Variants in SH3GL2 observed in about 807,000 individuals in gnomAD.
The protein encoded by SH3GL2 is SH3 domain containing GRB2 like 2, endophilin A1, also known as endophilin-A1.
A neutral mutation model predicts 46.0 loss-of-function variants in SH3GL2; 24 were observed. The observed-to-expected ratio is 0.52, with a 90% CI of 0.38 to 0.73. The LOEUF (loss-of-function observed/expected upper bound fraction) is 0.73. SH3GL2 is among the 30% of genes least tolerant of loss of function. The pLI, the probability that SH3GL2 is intolerant of heterozygous loss-of-function variation, is 0.00. For synonymous variants in SH3GL2, 196 were observed against 147.1 expected, an observed-to-expected ratio of 1.33 and a Z score of -2.40; for missense variants, 413 against 424.2, an observed-to-expected ratio of 0.97 and a Z score of 0.23.
At chr9:17,718,535 C>T (rs1821816294) in intron 1 of SH3GL2, among the ~76,000 whole-genome samples, 1 of 152,080 alleles carries the variant, frequency 6.6e-6, no homozygotes, top group African/African-American at 2.4e-5. Context: ...TCAGCCTGGG[C>T]AACATGGTGA....
At chr9:17,763,938 T>C (rs1355036767) in intron 3 of SH3GL2, among the ~76,000 whole-genome samples, 1 of 151,308 alleles carries the variant, frequency 6.6e-6, no homozygotes, top group Admixed American at 6.6e-5. Context: ...CCAGAGAAAT[T>C]CAGAAAGGAA....
intron 1 of SH3GL2, among the ~76,000 whole-genome samples, chr9:17,650,873 G>C (rs1819938702): frequency 6.6e-6 from 1 of 152,074 alleles, no homozygotes; most frequent in South Asian, 2.1e-4. Context: ...CATGTTTTCT[G>C]CCCATCACTG....
chr9:17,776,404 G>A (rs1240419876), intron 3 of SH3GL2, among the ~76,000 whole-genome samples: 1 of 152,086 alleles, frequency 6.6e-6, no homozygotes, highest in Admixed American at 6.6e-5. Context: ...AGCCCTCAGA[G>A]GCTTGGTCCC....
At chr9:17,778,259 A>G (rs1430374990) in intron 3 of SH3GL2, among the ~76,000 whole-genome samples, 1 of 152,050 alleles carries the variant, frequency 6.6e-6, no homozygotes. Flanking sequence ...TTCCACGTTT[A>G]CTCTAAGGCA....
intron 1 of SH3GL2, among the ~76,000 whole-genome samples, chr9:17,679,444 TATAA>T (rs2118029627): frequency 6.6e-6 from 1 of 152,336 alleles, no homozygotes; most frequent in Admixed American, 6.5e-5. Context: ...GTTTTTGCTG[TATAA>T]GAATGCTTGT....
chr9:17,690,144 G>A (rs1821036093), intron 1 of SH3GL2, among the ~76,000 whole-genome samples: 1 of 152,126 alleles, frequency 6.6e-6, no homozygotes, highest in South Asian at 2.1e-4. Flanking sequence ...CAAAACTGCA[G>A]CAGTTGTATA....
intron 1 of SH3GL2, among the ~76,000 whole-genome samples, chr9:17,702,769 C>T (rs567870620): frequency 2.0e-5 from 3 of 151,874 alleles, no homozygotes; most frequent in African/African-American, 7.2e-5. Flanking sequence ...TAATGTCCAC[C>T]GAAATATCTA....
At chr9:17,717,814 A>G (rs1821799109) in intron 1 of SH3GL2, among the ~76,000 whole-genome samples, 1 of 150,074 alleles carries the variant, frequency 6.7e-6, no homozygotes, top group Non-Finnish European at 1.5e-5. Context: ...GATATTATTT[A>G]GTAGTAGTCA....
rs549207965 is a variant in SH3GL2, at chr9:17,782,615, C to G, written c.188-3766C>G. Among the ~76,000 whole-genome samples, 6 of 152,234 alleles carry G rather than the reference C, an allele frequency of 3.9e-5. 1 individual carries two copies. Among genetic ancestry groups the G allele is most frequent in the African/African-American group, 1.4e-4 (6 of 41,564 alleles). ...CAAGGAGACCTGCTCTCAAACCATC[C>G]TATGAGACCACAGAGTGAGTGGTGT... On this transcript the variant is annotated intron_variant, in intron 3 of 8. Transcript: ENST00000380607.
At chr9:17,581,866 T>G (rs1818282243) in intron 1 of SH3GL2, among the ~76,000 whole-genome samples, 1 of 152,122 alleles carries the variant, frequency 6.6e-6, no homozygotes, top group South Asian at 2.1e-4. Flanking sequence ...GCTCAGCTAA[T>G]TTTTGTATTT....
Position 17,687,170 on chromosome 9 carries a change from G to A in SH3GL2, c.46-59896G>A, listed in dbSNP as rs540182032. Among the ~76,000 whole-genome samples the A allele has an allele frequency of 2.6e-5, 4 of 152,118 alleles. No individual in the cohort carries two copies. The South Asian group carries it at 8.3e-4, about 32-fold the overall frequency. ...CTCTCTCACATTAAGTGTATGCTTT[G>A]ATTTTTCTTATAATCATTTCATCAT... is the stretch of plus-strand genomic sequence containing the variant. On this transcript the variant is annotated intron_variant, in intron 1 of 8. Coordinates refer to ENST00000380607, the MANE Select transcript of SH3GL2 (RefSeq NM_003026.5).
chr9:17,589,403 G>A (rs1818439367), intron 1 of SH3GL2: 1 of 151,214 alleles, frequency 6.6e-6, no homozygotes, highest in South Asian at 2.1e-4. Flanking sequence ...ATATTTAGAT[G>A]TTTTTCTCTG....
intron 6 of SH3GL2, 186 bp downstream of exon 6, chr9:17,789,736 T>A: frequency 7.4e-7 from 1 of 1,360,144 alleles, no homozygotes; most frequent in South Asian, 1.7e-5. Context: ...AAGTTTCTTC[T>A]GCATTCCTGT....
intron 3 of SH3GL2, among the ~76,000 whole-genome samples, chr9:17,773,456 C>T (rs1823550393): frequency 6.6e-6 from 1 of 152,056 alleles, no homozygotes; most frequent in African/African-American, 2.4e-5. Flanking sequence ...TTACAGCTAG[C>T]TCTTTAATGT....
chr9:17,662,028 CTT>C (rs1332151932), intron 1 of SH3GL2, among the ~76,000 whole-genome samples: 1 of 152,140 alleles, frequency 6.6e-6, no homozygotes, highest in Non-Finnish European at 1.5e-5. Flanking sequence ...TAATTTTACT[CTT>C]TTAAATTTGT....
intron 1 of SH3GL2, among the ~76,000 whole-genome samples, chr9:17,606,053 C>G (rs935982386): frequency 6.6e-6 from 1 of 151,532 alleles, no homozygotes; most frequent in African/African-American, 2.4e-5. Context: ...CCTTGTCAAC[C>G]TTGACGGCGG....
At chr9:17,596,793 C>T (rs1818578929) in intron 1 of SH3GL2, among the ~76,000 whole-genome samples, 1 of 152,180 alleles carries the variant, frequency 6.6e-6, no homozygotes, top group South Asian at 2.1e-4. Flanking sequence ...GGAAAAAACA[C>T]TACCGTGAAA....
In SH3GL2 at chr9:17,702,422, A is replaced by G. The variant is rs200209343; in HGVS notation, c.46-44644A>G. On this transcript the variant is annotated intron_variant, in intron 1 of 8. Transcript: ENST00000380607. ...AGAATCAGGATATATGTACCGATAT[A>G]AAGAGGAGAAATGTTGCACAGCAAA... 1.1e-4 allele frequency among the ~76,000 whole-genome samples: 17 copies of G among 151,154 alleles called. No homozygotes were observed. The East Asian group carries it at 1.9e-3, about 17-fold the overall frequency.
intron 1 of SH3GL2, among the ~76,000 whole-genome samples, chr9:17,585,799 G>T (rs1377080339): frequency 6.6e-6 from 1 of 152,192 alleles, no homozygotes; most frequent in Admixed American, 6.5e-5. Flanking sequence ...TGTGCACCTG[G>T]TTACCTGGGT....
Sources: gnomAD v4.1 joint callset for allele counts (sites outside exome capture counted in the v4.1 genomes callset) on GRCh38, gnomAD v4.1.1 for gene constraint, MANE v1.5 for transcripts, NCBI Gene and HGNC (gene_info 2026-07-23, HGNC 2026-07-21) for gene names.